FGGY: variants seen among roughly 807,000 people sequenced by gnomAD.
FGGY encodes the protein FGGY carbohydrate kinase domain-containing protein.
Under a neutral mutation model 71.3 loss-of-function variants are expected in FGGY, and 72 were observed. The ratio of observed to expected loss-of-function variants is 1.01; its 90% confidence interval spans 0.84 to 1.23. The LOEUF is 1.23. Ranked by LOEUF, FGGY falls within the 50% of genes most tolerant of loss-of-function variation. The probability of loss-of-function intolerance (pLI) is 0.00; values close to 1 mark genes in which losing one functional copy is unlikely to be tolerated. For synonymous variants in FGGY, 251 were observed against 250.3 expected (o/e 1.00, Z -0.02); for missense variants, 668 against 682.3 (o/e 0.98, Z 0.23).
intron 8 of FGGY, among the ~76,000 whole-genome samples, chr1:59,590,092 A>C (rs1336920644): frequency 1.3e-5 from 2 of 152,224 alleles, no homozygotes; most frequent in Non-Finnish European, 2.9e-5. Flanking sequence ...GCAATAAAAA[A>C]TGATAAAGGG....
chr1:59,355,280 T>A lies in FGGY; in HGVS notation c.465+8882T>A, dbSNP rs143618032. On this transcript the variant is annotated intron_variant, in intron 4 of 15. Transcript: ENST00000303721. The stretch of plus-strand genomic sequence containing the variant: ...ACATGTGCACAACGTGCAGGTTTGT[T>A]ACATACTGTAATGTTAAAGGGAAGA... 8.7e-4 allele frequency among the ~76,000 whole-genome samples: 132 copies of A among 152,374 alleles called. No individual in the cohort carries two copies. The Middle Eastern group carries it at 0.024, about 27-fold the overall frequency.
At chr1:59,322,786 A>G (rs1475338929) in intron 2 of FGGY, among the ~76,000 whole-genome samples, 1 of 152,076 alleles carries the variant, frequency 6.6e-6, no homozygotes, top group Non-Finnish European at 1.5e-5. Context: ...TGACTGTTTG[A>G]TTTTATGTCT....
intron 9 of FGGY, among the ~76,000 whole-genome samples, chr1:59,614,977 C>A (rs1021658058): frequency 3.3e-5 from 5 of 152,150 alleles, no homozygotes; most frequent in Admixed American, 6.5e-5. Flanking sequence ...GAACTACAAA[C>A]CACTGCTCAA....
At chr1:59,719,015 A>G (rs1388663990) in intron 14 of FGGY, among the ~76,000 whole-genome samples, 1 of 151,962 alleles carries the variant, frequency 6.6e-6, no homozygotes, top group East Asian at 1.9e-4. Context: ...TCAAGGTCAC[A>G]CCCCAGCTCA....
At chr1:59,382,108 G>A (rs558151821) in intron 5 of FGGY, among the ~76,000 whole-genome samples, 3 of 152,220 alleles carry the variant, frequency 2.0e-5, no homozygotes, top group Non-Finnish European at 2.9e-5. Context: ...ATTTCCCAGA[G>A]GATAGATAAA....
intron 10 of FGGY, among the ~76,000 whole-genome samples, chr1:59,637,773 T>C (rs961615365): frequency 2.6e-5 from 4 of 152,224 alleles, no homozygotes; most frequent in Admixed American, 2.6e-4. Flanking sequence ...CAACTCATCA[T>C]CATTATTACA....
chr1:59,333,188 T>C (rs2048833398), intron 2 of FGGY, among the ~76,000 whole-genome samples: 1 of 152,210 alleles, frequency 6.6e-6, no homozygotes. Context: ...GAGTCATCTA[T>C]ATTTTCTCAC....
chr1:59,512,700 G>A lies in FGGY; in HGVS notation c.799+261G>A, dbSNP rs528978799. On this transcript the variant is annotated intron_variant, in intron 7 of 15. Transcript: ENST00000303721. ...ATGTATTTGAATAACTTTCTGCATA[G>A]TTCTTTTGTTTACTGAAAATTCAAA... Among the ~76,000 whole-genome samples the A allele has an allele frequency of 9.2e-4, 140 of 152,216 alleles. 1 individual carries two copies. Among genetic ancestry groups the A allele is most frequent in the African/African-American group, 3.1e-3 (130 of 41,540 alleles).
chr1:59,680,802 G>A (rs1573087847), intron 14 of FGGY: 1 of 152,092 alleles, frequency 6.6e-6, no homozygotes, highest in Admixed American at 6.6e-5. Flanking sequence ...CAGAAATGTT[G>A]TATAACTTGT....
At chr1:59,523,172 A>G (rs762846657) in intron 7 of FGGY, among the ~76,000 whole-genome samples, 3 of 152,226 alleles carry the variant, frequency 2.0e-5, no homozygotes, top group Non-Finnish European at 2.9e-5. Context: ...AAAGGTACGG[A>G]CTGCTAGAAA....
intron 5 of FGGY, among the ~76,000 whole-genome samples, chr1:59,408,270 G>T (rs58484476): frequency 2.0e-5 from 3 of 152,078 alleles, no homozygotes; most frequent in Non-Finnish European, 4.4e-5. Flanking sequence ...CTTTCTCCTA[G>T]GTCTTCTATT....
chr1:59,611,380 G>T (rs914012293), intron 9 of FGGY, among the ~76,000 whole-genome samples: 2 of 152,184 alleles, frequency 1.3e-5, no homozygotes, highest in South Asian at 4.1e-4. Flanking sequence ...CTCCACTGGT[G>T]ATACTCAGGG....
chr1:59,687,182 G>C (rs973482607), intron 14 of FGGY, among the ~76,000 whole-genome samples: 1 of 152,180 alleles, frequency 6.6e-6, no homozygotes, highest in African/African-American at 2.4e-5. Flanking sequence ...GAGAATGACT[G>C]ATGTGCAGGC....
intron 14 of FGGY, among the ~76,000 whole-genome samples, chr1:59,714,773 C>G (rs1414899487): frequency 1.3e-5 from 2 of 152,106 alleles, no homozygotes; most frequent in Non-Finnish European, 2.9e-5. Flanking sequence ...AATAACAAGT[C>G]AAATAGGTGG....
intron 8 of FGGY, among the ~76,000 whole-genome samples, chr1:59,593,776 A>G (rs1464248042): frequency 1.3e-5 from 2 of 152,312 alleles, no homozygotes; most frequent in Admixed American, 1.3e-4. Context: ...CAAGCACAGT[A>G]TCTTTTTCAT....
chr1:59,567,563 T>G (rs1264837843), intron 8 of FGGY, among the ~76,000 whole-genome samples: 1 of 152,000 alleles, frequency 6.6e-6, no homozygotes, highest in African/African-American at 2.4e-5. Flanking sequence ...TATCATCTGT[T>G]TGCATGATAA....
At chr1:59,335,822 G>A (rs1570562304) in intron 2 of FGGY, among the ~76,000 whole-genome samples, 1 of 152,046 alleles carries the variant, frequency 6.6e-6, no homozygotes, top group Non-Finnish European at 1.5e-5. Flanking sequence ...TTGCAGAAGT[G>A]TCCACATCTT....
intron 12 of FGGY, among the ~76,000 whole-genome samples, chr1:59,664,733 C>T (rs1011108212): frequency 6.6e-6 from 1 of 152,156 alleles, no homozygotes; most frequent in African/African-American, 2.4e-5. Flanking sequence ...AGTTGATAAC[C>T]AGAAGAACTC....
chr1:59,387,285 A>AATATGTTGT (rs1185694986), intron 5 of FGGY, among the ~76,000 whole-genome samples: 1 of 152,044 alleles, frequency 6.6e-6, no homozygotes, highest in African/African-American at 2.4e-5. Context: ...TTTTTTACTT[A>AATATGTTGT]ATATGTTGTA....
Sources: allele counts gnomAD v4.1 joint callset (sites outside exome capture counted in the v4.1 genomes callset), GRCh38; gene constraint gnomAD v4.1.1; transcripts MANE v1.5; gene names NCBI Gene and HGNC (gene_info 2026-07-23, HGNC 2026-07-21).